The following FHIP1A variants were observed in gnomAD, a reference collection of about 807,000 sequenced individuals.
The protein encoded by FHIP1A is FHF complex subunit HOOK-interacting protein 1A.
A neutral mutation model predicts 88.6 loss-of-function variants in FHIP1A; 61 were observed. The ratio of observed to expected loss-of-function variants is 0.69; its 90% CI spans 0.56 to 0.85. The LOEUF (loss-of-function observed/expected upper bound fraction) is 0.85, where lower values mean the gene tolerates loss of function less well. Ranked by LOEUF, FHIP1A falls within the 40% of genes least tolerant of loss-of-function variation. The pLI is 0.00. For missense variants in FHIP1A, 1,154 were observed against 1,273.5 expected, an observed-to-expected ratio of 0.91 and a Z score of 1.43; for synonymous variants, 478 against 496.0, an observed-to-expected ratio of 0.96 and a Z score of 0.48.
chr4:151,510,488 A>G (rs1249455660), intron 3 of FHIP1A, among the ~76,000 whole-genome samples: 1 of 152,148 alleles, frequency 6.6e-6, no homozygotes, highest in Non-Finnish European at 1.5e-5. Flanking sequence ...TAGTATGGAG[A>G]GTTCTTGTAG....
At chr4:151,462,265 T>C (rs1419349593) in intron 2 of FHIP1A, among the ~76,000 whole-genome samples, 2 of 152,202 alleles carry the variant, frequency 1.3e-5, no homozygotes, top group African/African-American at 4.8e-5. Context: ...CTTCCTGAGA[T>C]GCACCATGGG....
chr4:151,539,200 A>G (rs757575188), intron 3 of FHIP1A, among the ~76,000 whole-genome samples: 1 of 152,214 alleles, frequency 6.6e-6, no homozygotes, highest in Non-Finnish European at 1.5e-5. Flanking sequence ...CTTAACTGAT[A>G]CTTTTTTAAG....
At chr4:151,600,165 A>C (rs1734807940) in intron 7 of FHIP1A, among the ~76,000 whole-genome samples, 1 of 152,232 alleles carries the variant, frequency 6.6e-6, no homozygotes, top group African/African-American at 2.4e-5. Context: ...ATCCAAGTTG[A>C]TAGAGCCTCC....
intron 1 of FHIP1A, among the ~76,000 whole-genome samples, chr4:151,440,114 A>G (rs1274839535): frequency 6.6e-6 from 1 of 152,170 alleles, no homozygotes; most frequent in Non-Finnish European, 1.5e-5. Context: ...AGGAGAGAGA[A>G]TGAGTGCCAG....
intron 5 of FHIP1A, among the ~76,000 whole-genome samples, chr4:151,585,912 T>G (rs1269135105): frequency 6.6e-6 from 1 of 152,136 alleles, no homozygotes; most frequent in African/African-American, 2.4e-5. Context: ...TGCTCAAATT[T>G]TATTTCCTCC....
chr4:151,438,099 G>C (rs530660851), intron 1 of FHIP1A, among the ~76,000 whole-genome samples: 1 of 151,988 alleles, frequency 6.6e-6, no homozygotes, highest in East Asian at 1.9e-4. Context: ...GAATGATGCA[G>C]ACAAGTCCAG....
At position 151,577,569 on chromosome 4, in the gene FHIP1A, G is replaced by A; in HGVS notation, c.225G>A (p.Leu75=). 1 of 1,551,890 alleles carries A rather than the reference G, an allele frequency of 6.4e-7. No individual in the cohort carries two copies. The highest frequency in any genetic ancestry group is 8.7e-7 in the Non-Finnish European group (1 of 1,147,026). The change falls in exon 5 of 14, where the codon TTG becomes TTA. Residue 75 remains leucine, a synonymous_variant. Coordinates refer to ENST00000435205, the MANE Select transcript of FHIP1A (RefSeq NM_001109977.3). ...QNYVEHMLFL[L]IEEQAKDAAM... is the part of the protein sequence containing the mutation. ...ACGTAGAACACATGCTCTTCTTGTT[G>A]ATTGAAGAGCAAGCCAAAGATGCTG...
chr4:151,610,667 C>T (rs536772056), intron 7 of FHIP1A, among the ~76,000 whole-genome samples: 2 of 152,214 alleles, frequency 1.3e-5, no homozygotes, highest in Admixed American at 1.3e-4. Flanking sequence ...GCCTTTCTTC[C>T]ACTTGAGATG....
chr4:151,521,583 A>G (rs1396058602), intron 3 of FHIP1A, among the ~76,000 whole-genome samples: 1 of 152,226 alleles, frequency 6.6e-6, no homozygotes, highest in East Asian at 1.9e-4. Context: ...ACAGTATCAT[A>G]GGAACCTTGT....
intron 2 of FHIP1A, among the ~76,000 whole-genome samples, chr4:151,476,157 G>C (rs1490885500): frequency 7.2e-6 from 1 of 138,830 alleles, no homozygotes; most frequent in Non-Finnish European, 1.6e-5. Flanking sequence ...ACTGTGCTCG[G>C]CCGATTTTTT....
At chr4:151,571,381 A>G (rs1185914044) in intron 4 of FHIP1A, among the ~76,000 whole-genome samples, 1 of 152,240 alleles carries the variant, frequency 6.6e-6, no homozygotes, top group Non-Finnish European at 1.5e-5. Flanking sequence ...ATAAAGTAAT[A>G]GTGATGGATG....
chr4:151,640,866 G>A (rs1578851555), intron 9 of FHIP1A, among the ~76,000 whole-genome samples: 2 of 152,058 alleles, frequency 1.3e-5, no homozygotes, highest in African/African-American at 2.4e-5. Context: ...AAAAGTGTCC[G>A]CAGAGATGGC....
At chr4:151,642,374 T>G (rs576008549) in intron 9 of FHIP1A, among the ~76,000 whole-genome samples, 17 of 152,214 alleles carry the variant, frequency 1.1e-4, no homozygotes, top group African/African-American at 1.2e-4. Context: ...AGATAGAGGT[T>G]GTTTTGCCTG....
chr4:151,469,746 A>T (rs1729445534), intron 2 of FHIP1A, among the ~76,000 whole-genome samples: 1 of 152,228 alleles, frequency 6.6e-6, no homozygotes, highest in African/African-American at 2.4e-5. Context: ...AGATATAGAT[A>T]TAATTTCCCC....
At chr4:151,604,035 C>T (rs1734975376) in intron 7 of FHIP1A, among the ~76,000 whole-genome samples, 1 of 152,208 alleles carries the variant, frequency 6.6e-6, no homozygotes. Context: ...GGTCTACATG[C>T]TGTGTCACAG....
chr4:151,466,582 A>G (rs1729322450), intron 2 of FHIP1A, among the ~76,000 whole-genome samples: 2 of 152,214 alleles, frequency 1.3e-5, no homozygotes, highest in African/African-American at 4.8e-5. Flanking sequence ...CTCAAAGTAT[A>G]CTACAAGGCT....
chr4:151,600,406 A>G (rs1560792385), intron 7 of FHIP1A, among the ~76,000 whole-genome samples: 1 of 152,176 alleles, frequency 6.6e-6, no homozygotes, highest in South Asian at 2.1e-4. Context: ...TATCAGCCCT[A>G]ATGTTTGTCA....
chr4:151,505,737 G>A (rs1730815834), intron 3 of FHIP1A, among the ~76,000 whole-genome samples: 1 of 152,112 alleles, frequency 6.6e-6, no homozygotes, highest in South Asian at 2.1e-4. Context: ...ACCTACTCAG[G>A]AGGCTGAGAA....
Position 151,577,767 on chromosome 4 carries a change from G to A in FHIP1A, c.423G>A (p.Lys141=), listed in dbSNP as rs1442076777. Residue 141 remains lysine, a synonymous_variant, in exon 5 of 14, where the codon AAG becomes AAA. Coordinates refer to ENST00000435205, the MANE Select transcript of FHIP1A (RefSeq NM_001109977.3). ...QPLLHHKPIL[K]PLMMLLSSCS... is the part of the protein sequence containing the mutation. ...TGCTGCACCACAAACCCATTCTGAA[G>A]CCTCTGATGATGTTGCTGAGCTCTT... 1.1e-5 allele frequency: 17 copies of A among 1,551,830 alleles called. No homozygotes were observed. The highest frequency in any genetic ancestry group is 2.0e-5 in the Admixed American group (1 of 50,980).
Sources: gnomAD v4.1 joint callset for allele counts (sites outside exome capture counted in the v4.1 genomes callset) on GRCh38, gnomAD v4.1.1 for gene constraint, MANE v1.5 for transcripts, NCBI Gene and HGNC (gene_info 2026-07-23, HGNC 2026-07-21) for gene names.